Variants in TNFRSF1B observed in about 807,000 individuals in gnomAD.
The protein encoded by TNFRSF1B is TNF receptor superfamily member 1B, also known as tumor necrosis factor receptor superfamily member 1B.
TNFRSF1B carries 19 observed loss-of-function variants against 44.6 expected under a neutral mutation model. The ratio of observed to expected loss-of-function variants is 0.43; its 90% confidence interval spans 0.30 to 0.62. The LOEUF (loss-of-function observed/expected upper bound fraction) is 0.62. Among genes scored for constraint, TNFRSF1B ranks in the 20% least tolerant of loss-of-function variants. The pLI, the probability that TNFRSF1B is intolerant of heterozygous loss-of-function variation, is 0.16. For missense variants in TNFRSF1B, 541 were observed against 619.9 expected, an observed-to-expected ratio of 0.87 and a Z score of 1.35; for synonymous variants, 252 against 261.1, an observed-to-expected ratio of 0.97 and a Z score of 0.34.
rs1224085854 is a variant in TNFRSF1B at position 12,207,197 on chromosome 1, C to T, written c.*177C>T. 3.4e-6 allele frequency: 2 copies of T among 595,044 alleles called. No homozygotes were observed. The highest frequency in any genetic ancestry group is 3.7e-5 in the South Asian group (1 of 26,780). The allele number at this position is 595,044 out of a possible 1,614,324, so 36.9% of individuals were successfully genotyped here. ...CTCCCTCTGACCTGCAGGCCAAGAG[C>T]AGAGGCAGCGAGTTGTGGAAAGCCT... On this transcript the variant is annotated 3_prime_UTR_variant, in exon 10 of 10. Transcript: ENST00000376259.
chr1:12,192,339 G>T (rs910451522), intron 4 of TNFRSF1B, 92 bp from the exon 5 acceptor site: 2 of 1,106,678 alleles, frequency 1.8e-6, no homozygotes, highest in Non-Finnish European at 2.7e-6. Context: ...AGCTCCTTGG[G>T]CCCCTCAGAC....
chr1:12,193,862 C>A (rs372488130), intron 6 of TNFRSF1B, 93 bp from the exon 7 acceptor site: 2 of 944,802 alleles, frequency 2.1e-6, no homozygotes, highest in Admixed American at 1.9e-5. Flanking sequence ...TTGCAATGAC[C>A]CGAAGCACCT....
rs1313763118 is a variant in TNFRSF1B at position 12,178,257 on chromosome 1, G to A, written c.79-10539G>A. On this transcript the variant is annotated intron_variant, in intron 1 of 9. Transcript: ENST00000376259. This position sits in a 1 kb window ranked among gnomAD's most constrained non-coding sequence, Gnocchi z 4.3. The stretch of plus-strand genomic sequence containing the variant: ...GCAATTCGGCATCGATGAGACGCCA[G>A]CTGTGGGCTGTGTGCTGGCTGTGTG... 6.6e-6 allele frequency among the ~76,000 whole-genome samples: 1 copy of A among 152,238 alleles called. No homozygotes were observed. The highest frequency in any genetic ancestry group is 2.4e-5 in the African/African-American group (1 of 41,448).
chr1:12,184,482 G>A (rs147663429), intron 1 of TNFRSF1B, among the ~76,000 whole-genome samples: 4 of 152,296 alleles, frequency 2.6e-5, no homozygotes, highest in Admixed American at 6.5e-5. Context: ...CGGCTACCGG[G>A]GGGGCTGGAG....
chr1:12,188,104 G>C (rs1639026387), intron 1 of TNFRSF1B, among the ~76,000 whole-genome samples: 2 of 152,232 alleles, frequency 1.3e-5, no homozygotes, highest in South Asian at 4.1e-4. Flanking sequence ...GCTGATGAGT[G>C]CCGGCTCTAC....
chr1:12,207,290 G>C lies in TNFRSF1B; in HGVS notation c.*270G>C, dbSNP rs1283324648. On this transcript the variant is annotated 3_prime_UTR_variant, in exon 10 of 10. Coordinates refer to ENST00000376259, the MANE Select transcript of TNFRSF1B (RefSeq NM_001066.3). ...GGACGTTCGGGGCATGCTGGGGCAA[G>C]TCCCTGACTCTCTGTGACCTGCCCC... 2.5e-6 allele frequency: 1 copy of C among 395,568 alleles called. No homozygotes were observed. 24.5% of individuals were successfully genotyped at this position (395,568 alleles called of 1,614,324 possible). A position where few individuals can be genotyped will look rare whatever the true frequency, so the allele number is the denominator to read the frequency against.
intron 8 of TNFRSF1B, among the ~76,000 whole-genome samples, chr1:12,200,902 T>C (rs1639377251): frequency 6.6e-6 from 1 of 152,212 alleles, no homozygotes; most frequent in African/African-American, 2.4e-5. Context: ...ATTACAGGCA[T>C]GAGCCACCAA....
In TNFRSF1B at chr1:12,167,079, C is replaced by G; in HGVS notation, c.-13C>G. 1.5e-6 allele frequency: 2 copies of G among 1,306,630 alleles called. No homozygotes were observed. Among genetic ancestry groups the G allele is most frequent in the Non-Finnish European group, 1.9e-6 (2 of 1,027,070 alleles). 80.9% of individuals were successfully genotyped at this position (1,306,630 alleles called of 1,614,324 possible). A position where few individuals can be genotyped will look rare whatever the true frequency, so the allele number is the denominator to read the frequency against. On this transcript the variant is annotated 5_prime_UTR_variant, in exon 1 of 10. Coordinates refer to ENST00000376259, the MANE Select transcript of TNFRSF1B (RefSeq NM_001066.3). Reference sequence around the variant, plus strand: ...GCGCGAGGGCAGGGGGCAACCGGACCCCGCCCGCACCCATGGCGCCCGTCG... The same window carrying G: ...GCGCGAGGGCAGGGGGCAACCGGACGCCGCCCGCACCCATGGCGCCCGTCG...
chr1:12,167,505 C>A, intron 1 of TNFRSF1B: 1 of 436,996 alleles, frequency 2.3e-6, no homozygotes. Context: ...CCCGCTAGAC[C>A]CGGGACCCCT....
At chr1:12,173,343 T>C in intron 1 of TNFRSF1B, among the ~76,000 whole-genome samples, 1 of 152,192 alleles carries the variant, frequency 6.6e-6, no homozygotes. Flanking sequence ...GTCAATATCT[T>C]GGTTCCCCAG....
At chr1:12,204,399 T>G (rs1042950631) in intron 9 of TNFRSF1B, among the ~76,000 whole-genome samples, 8 of 152,170 alleles carry the variant, frequency 5.3e-5, no homozygotes, top group Admixed American at 5.2e-4. Flanking sequence ...CCCCACCACA[T>G]GCTTGGGGCT....
At chr1:12,183,699 T>TCTATCTATCTATCTAG (rs1638881299) in intron 1 of TNFRSF1B, among the ~76,000 whole-genome samples, 2 of 102,334 alleles carry the variant, frequency 2.0e-5, no homozygotes, top group African/African-American at 6.5e-5. Flanking sequence ...TATCTATCTA[T>TCTATCTATCTATCTAG]CTATCTATCT....
intron 1 of TNFRSF1B, among the ~76,000 whole-genome samples, chr1:12,183,789 C>CCTATCTAT (rs745665339): frequency 4.8e-5 from 6 of 125,808 alleles, no homozygotes; most frequent in Admixed American, 1.5e-4. Flanking sequence ...TATCTACCTA[C>CCTATCTAT]CTATCTATCT....
rs1638466147 is a variant in TNFRSF1B at position 12,169,152 on chromosome 1, GA to G, written c.78+1985del. On this transcript the variant is annotated intron_variant, in intron 1 of 9. Coordinates refer to ENST00000376259, the MANE Select transcript of TNFRSF1B (RefSeq NM_001066.3). This position sits in a 1 kb window ranked among gnomAD's most constrained non-coding sequence, Gnocchi z 4.5. ...CTCAGTTGGATTTGATCTTCTCTTCGAACTCCCAGGCCCTTTTGTTCCCTTT... is the reference window on the plus strand; with the variant it reads ...CTCAGTTGGATTTGATCTTCTCTTCGACTCCCAGGCCCTTTTGTTCCCTTT... 6.6e-6 allele frequency among the ~76,000 whole-genome samples: 1 copy of G among 152,112 alleles called. No homozygotes were observed. The highest frequency in any genetic ancestry group is 2.4e-5 in the African/African-American group (1 of 41,410).
At chr1:12,191,134 T>C in intron 3 of TNFRSF1B, 49 bp downstream of exon 3, 1 of 1,592,556 alleles carries the variant, frequency 6.3e-7, no homozygotes, top group East Asian at 2.3e-5. Flanking sequence ...TGCCTCCAAC[T>C]TCCCCCGGCA....
chr1:12,208,505 T>G lies in TNFRSF1B; in HGVS notation c.*1485T>G, dbSNP rs1639563446. 1 of 152,608 alleles carries G rather than the reference T, an allele frequency of 6.6e-6. No individual in the cohort carries two copies. Among genetic ancestry groups the G allele is most frequent in the African/African-American group, 2.4e-5 (1 of 41,458 alleles). The allele number at this position is 152,608 out of a possible 1,614,324, so 9.5% of individuals were successfully genotyped here. The stretch of plus-strand genomic sequence containing the variant: ...TGCCTTGAAGCCACTGAAGCTGGGA[T>G]TCCTCCCCATTAGAGTCAGCCTTCC... On this transcript the variant is annotated 3_prime_UTR_variant, in exon 10 of 10. Transcript: ENST00000376259.
At chr1:12,198,691 G>GTTTTTTTTTTTTTTTTTTTT (rs60313758) in intron 8 of TNFRSF1B, among the ~76,000 whole-genome samples, 2 of 85,630 alleles carry the variant, frequency 2.3e-5, no homozygotes, top group African/African-American at 9.4e-5. Flanking sequence ...CTGGAATTCT[G>GTTTTTTTTTTTTTTTTTTTT]TTTTTTTTTT....
intron 1 of TNFRSF1B, among the ~76,000 whole-genome samples, chr1:12,176,596 T>C (rs1473324273): frequency 6.6e-6 from 1 of 152,146 alleles, no homozygotes; most frequent in African/African-American, 2.4e-5. Context: ...CAAGCCAGCA[T>C]CCTTATTCCA....
At chr1:12,174,151 TCTTCTTCTTCTTCTC>T (rs1638587348) in intron 1 of TNFRSF1B, among the ~76,000 whole-genome samples, 10 of 97,300 alleles carry the variant, frequency 1.0e-4, no homozygotes, top group Non-Finnish European at 1.0e-4. Context: ...TTCTTCTTCT[TCTTCTTCTTCTTCTC>T]CTTCTCCTTC....
Sources: gnomAD v4.1 joint callset for allele counts (sites outside exome capture counted in the v4.1 genomes callset) on GRCh38, gnomAD v4.1.1 for gene constraint, Gnocchi (gnomAD v3.1) non-coding constraint, MANE v1.5 for transcripts, NCBI Gene and HGNC (gene_info 2026-07-23, HGNC 2026-07-21) for gene names.